The following AGAP3 variants were observed in gnomAD, a reference collection of about 807,000 sequenced individuals.
AGAP3 encodes the protein arf-GAP with GTPase, ANK repeat and PH domain-containing protein 3.
Under a neutral mutation model 96.9 loss-of-function variants are expected in AGAP3, and 24 were observed. That is an observed-to-expected ratio of 0.25 (90% CI 0.18 to 0.35). The LOEUF is 0.35. Among genes scored for constraint, AGAP3 ranks in the 10% least tolerant of loss-of-function variants. The pLI is 1.00. For synonymous variants in AGAP3, 563 were observed against 536.1 expected (o/e 1.05, Z -0.69); for missense variants, 876 against 1,254.2 (o/e 0.70, Z 4.55).
intron 1 of AGAP3, among the ~76,000 whole-genome samples, chr7:151,089,094 T>G (rs1273864941): frequency 1.3e-5 from 2 of 151,102 alleles, no homozygotes; most frequent in African/African-American, 4.9e-5. Context: ...CAGCCTCTCC[T>G]GGCACCGTCA....
At chr7:151,122,031 C>A (rs776806261) in intron 8 of AGAP3, among the ~76,000 whole-genome samples, 8 of 152,250 alleles carry the variant, frequency 5.3e-5, no homozygotes, top group Non-Finnish European at 8.8e-5. Context: ...GCCCCAGTTC[C>A]TGTCCGCATG....
chr7:151,131,727 C>T (rs1189680502), intron 10 of AGAP3, among the ~76,000 whole-genome samples: 2 of 152,214 alleles, frequency 1.3e-5, no homozygotes, highest in Admixed American at 6.5e-5. Flanking sequence ...TCCTTTCCCC[C>T]GAGGCCAGTT....
chr7:151,128,808 C>A, intron 10 of AGAP3, 124 bp downstream of exon 10: 2 of 824,704 alleles, frequency 2.4e-6, no homozygotes, highest in Admixed American at 2.1e-5. Flanking sequence ...TTTCAAATGG[C>A]TCATCCCTGG....
chr7:151,137,176 G>A (rs887664038), intron 11 of AGAP3, among the ~76,000 whole-genome samples: 16 of 152,196 alleles, frequency 1.1e-4, no homozygotes, highest in Middle Eastern at 3.2e-3. Flanking sequence ...CCTCAGTCCC[G>A]CCGCCTGCAG....
chr7:151,108,227 C>T lies in AGAP3; in HGVS notation c.332-8566C>T, dbSNP rs1799136852. 6.6e-6 allele frequency among the ~76,000 whole-genome samples: 1 copy of T among 152,200 alleles called. No homozygotes were observed. Among genetic ancestry groups the T allele is most frequent in the Admixed American group, 6.5e-5 (1 of 15,288 alleles). ...AGGGGAGGGCCTTTGTCCTGTCCAC[C>T]ATTGCACCCAGCACAGAGCTCATGG... On this transcript the variant is annotated intron_variant, in intron 1 of 17. Coordinates refer to ENST00000397238, the MANE Select transcript of AGAP3 (RefSeq NM_031946.7). This position sits in a 1 kb window ranked among gnomAD's most constrained non-coding sequence, Gnocchi z 4.2.
intron 1 of AGAP3, among the ~76,000 whole-genome samples, chr7:151,098,498 A>T (rs180971776): frequency 2.2e-3 from 330 of 152,100 alleles, no homozygotes; most frequent in African/African-American, 7.4e-3. Context: ...AAAAAAAATT[A>T]AAAAATTAGC....
At chr7:151,116,496 G>C in intron 1 of AGAP3, 1 of 486,002 alleles carries the variant, frequency 2.1e-6, no homozygotes, top group Non-Finnish European at 3.7e-6. Context: ...GCTTGGTGGG[G>C]GGACAATAAA....
At chr7:151,121,884 C>T (rs1799913386) in intron 8 of AGAP3, among the ~76,000 whole-genome samples, 2 of 152,232 alleles carry the variant, frequency 1.3e-5, no homozygotes, top group African/African-American at 4.8e-5. Flanking sequence ...TCATCGTCCT[C>T]CCCAGCAGCG....
chr7:151,142,329 G>A lies in AGAP3; in HGVS notation c.2050+76G>A. The A allele has an allele frequency of 6.3e-7, 1 of 1,597,410 alleles. No homozygotes were observed. The highest frequency in any genetic ancestry group is 1.1e-5 in the South Asian group (1 of 89,938). On this transcript the variant is annotated intron_variant, in intron 15 of 17. Transcript: ENST00000397238. The surrounding 1 kb of genome is among the most constrained non-coding windows in gnomAD (Gnocchi z 7.5). ...TTCGCAAGCATCAGGGAGCAGGGAA[G>A]AGGGCAGGGAAGCCTTCCCTAGTTG...
At chr7:151,109,298 G>T (rs1349396842) in intron 1 of AGAP3, among the ~76,000 whole-genome samples, 1 of 152,350 alleles carries the variant, frequency 6.6e-6, no homozygotes. Context: ...AGGAAGTCGA[G>T]GCTGCAGTGA....
intron 9 of AGAP3, 98 bp from the exon 10 acceptor site, chr7:151,128,482 G>GGGA (rs1184284444): frequency 1.0e-6 from 1 of 994,664 alleles, no homozygotes; most frequent in Non-Finnish European, 1.6e-6. Flanking sequence ...AGGAGAAGCG[G>GGGA]GGAGGGGGGA....
chr7:151,094,362 C>T (rs1011710520), intron 1 of AGAP3, among the ~76,000 whole-genome samples: 15 of 151,912 alleles, frequency 9.9e-5, no homozygotes, highest in African/African-American at 1.5e-4. Flanking sequence ...ATTTTTAGGA[C>T]GTTTGCGGCA....
At chr7:151,122,297 C>T (rs1056497635) in intron 8 of AGAP3, among the ~76,000 whole-genome samples, 2 of 152,208 alleles carry the variant, frequency 1.3e-5, no homozygotes, top group Non-Finnish European at 2.9e-5. Context: ...TGCTCTCCGG[C>T]GGCTCTTTTG....
intron 1 of AGAP3, among the ~76,000 whole-genome samples, chr7:151,098,230 A>T (rs1798688886): frequency 6.6e-6 from 1 of 152,142 alleles, no homozygotes; most frequent in African/African-American, 2.4e-5. Flanking sequence ...ATGGTGGCGC[A>T]TGCCTCCAGT....
At chr7:151,113,149 G>C (rs1799372734) in intron 1 of AGAP3, among the ~76,000 whole-genome samples, 1 of 152,174 alleles carries the variant, frequency 6.6e-6, no homozygotes, top group African/African-American at 2.4e-5. Context: ...CACGTAGATA[G>C]GGAAGTCAAG....
Position 151,140,084 on chromosome 7 carries a change from C to G in AGAP3, c.1772C>G (p.Pro591Arg). Reference protein sequence around the residue: ...KHRRKKSTGTPRPDGPSSATE... With the variant: ...KHRRKKSTGTRRPDGPSSATE... ...CGGAGGAAAAAGAGCACCGGGACCCCCCGACCAGACGGCCCCAGCAGTGCT... is the reference window on the plus strand; with the variant it reads ...CGGAGGAAAAAGAGCACCGGGACCCGCCGACCAGACGGCCCCAGCAGTGCT... The change falls in exon 13 of 18, where the codon CCC becomes CGC. Residue 591 changes from proline (P) to arginine (R), a missense_variant. Physicochemically the swap from Pro to Arg is moderately radical, Grantham distance 103. Around this residue, in one of 8 missense-constraint regions of AGAP3, gnomAD observed 155 missense variants for 144.4 expected, o/e 1.07. Coordinates refer to ENST00000397238, the MANE Select transcript of AGAP3 (RefSeq NM_031946.7). This position sits in a 1 kb window ranked among gnomAD's most constrained non-coding sequence, Gnocchi z 5.4. 6.2e-7 allele frequency: 1 copy of G among 1,604,048 alleles called. No individual in the cohort carries two copies. The highest frequency in any genetic ancestry group is 8.5e-7 in the Non-Finnish European group (1 of 1,175,770).
rs746909858 is a variant in AGAP3, at chr7:151,128,563, C to A, written c.1222-17C>A. 2 of 1,611,538 alleles carry A rather than the reference C, an allele frequency of 1.2e-6. No individual in the cohort carries two copies. Among genetic ancestry groups the A allele is most frequent in the Non-Finnish European group, 1.7e-6 (2 of 1,178,108 alleles). On this transcript the variant is annotated splice_polypyrimidine_tract_variant and intron_variant, in intron 9 of 17. Transcript: ENST00000397238. Reference sequence around the variant, plus strand: ...AGGGGGCTGGCTCCTGGTTTCTGATCAGACCTCTGTTCTCAGGGGATCCTG... The same window carrying A: ...AGGGGGCTGGCTCCTGGTTTCTGATAAGACCTCTGTTCTCAGGGGATCCTG...
chr7:151,115,743 C>T lies in AGAP3; in HGVS notation c.332-1050C>T, dbSNP rs931893842. The T allele has an allele frequency of 9.2e-6, 7 of 764,684 alleles. No homozygotes were observed. In the African/African-American group the frequency reaches 9.5e-5, roughly 10 times the overall value. The allele number at this position is 764,684 out of a possible 1,614,324, so 47.4% of individuals were successfully genotyped here. The stretch of plus-strand genomic sequence containing the variant: ...AGCTGCCGCGCGCGTCCGGGGCTGG[C>T]GGGGTCTGGGGTCTGGACCGAGTGT... On this transcript the variant is annotated intron_variant, in intron 1 of 17. Transcript: ENST00000397238.
Position 151,139,846 on chromosome 7 carries a change from T to C in AGAP3, c.1667-133T>C. On this transcript the variant is annotated intron_variant, in intron 12 of 17. Transcript: ENST00000397238. This position sits in a 1 kb window ranked among gnomAD's most constrained non-coding sequence, Gnocchi z 4.9. Reference sequence around the variant, plus strand: ...CAGGCAGACCTCGCCTAGAGAGAGGTGTCCGTCTGGCTCTCCTGAGTGTGG... The same window carrying C: ...CAGGCAGACCTCGCCTAGAGAGAGGCGTCCGTCTGGCTCTCCTGAGTGTGG... 2.4e-6 allele frequency: 2 copies of C among 829,780 alleles called. No individual in the cohort carries two copies. The highest frequency in any genetic ancestry group is 3.4e-6 in the Non-Finnish European group (2 of 596,294). The allele number at this position is 829,780 out of a possible 1,614,324, so 51.4% of individuals were successfully genotyped here. A position where few individuals can be genotyped will look rare whatever the true frequency, so the allele number is the denominator to read the frequency against.
Sources: gnomAD v4.1 joint callset for allele counts (sites outside exome capture counted in the v4.1 genomes callset) on GRCh38, gnomAD v4.1.1 for gene constraint, gnomAD v4.1.1 regional missense constraint, Gnocchi (gnomAD v3.1) non-coding constraint, MANE v1.5 for transcripts, NCBI Gene and HGNC (gene_info 2026-07-23, HGNC 2026-07-21) for gene names.